The following LMTK3 variants were observed in gnomAD, a reference collection of about 807,000 sequenced individuals.
The protein encoded by LMTK3 is lemur tail kinase 3.
In LMTK3, 27 loss-of-function variants were observed where a neutral mutation model predicts 116.7. The ratio of observed to expected loss-of-function variants is 0.23; its 90% CI spans 0.17 to 0.32. LMTK3 has a LOEUF of 0.32. Ranked by LOEUF, LMTK3 falls within the 10% of genes least tolerant of loss-of-function variation. The probability of loss-of-function intolerance (pLI) is 1.00; values close to 1 mark genes in which losing one functional copy is unlikely to be tolerated. For missense variants in LMTK3, 1,764 were observed against 2,068.5 expected (o/e 0.85, Z 2.86); for synonymous variants, 965 against 971.0 (o/e 0.99, Z 0.11).
intron 11 of LMTK3, among the ~76,000 whole-genome samples, chr19:48,495,023 T>TG (rs1972301816): frequency 6.6e-6 from 1 of 151,926 alleles, no homozygotes; most frequent in African/African-American, 2.4e-5. Flanking sequence ...TTGTTTTTTT[T>TG]TTTGAAATGA....
intron 5 of LMTK3, 139 bp from the exon 6 acceptor site, chr19:48,503,135 G>A: frequency 1.1e-5 from 7 of 655,340 alleles, no homozygotes; most frequent in South Asian, 1.8e-5. Flanking sequence ...ACGGAGTCTC[G>A]CTCTGTCGCC....
chr19:48,490,904 C>T (rs1788159258), intron 14 of LMTK3, among the ~76,000 whole-genome samples: 1 of 152,162 alleles, frequency 6.6e-6, no homozygotes, highest in Non-Finnish European at 1.5e-5. Flanking sequence ...GACGGCCGGC[C>T]TGCCTGCCTA....
Position 48,510,189 on chromosome 19 carries a change from G to A in LMTK3, c.211-16C>T. 5 of 1,606,228 alleles carry A rather than the reference G, an allele frequency of 3.1e-6. No homozygotes were observed. The highest frequency in any genetic ancestry group is 4.3e-6 in the Non-Finnish European group (5 of 1,173,696). On this transcript the variant is annotated splice_polypyrimidine_tract_variant and intron_variant, in intron 2 of 14. Transcript: ENST00000600059. ...TCTCAAATTCCTGGGGCCAGGAGAGGAGAAGAGGGGTGGGAGAACGCAGGG... is the reference window on the plus strand; with the variant it reads ...TCTCAAATTCCTGGGGCCAGGAGAGAAGAAGAGGGGTGGGAGAACGCAGGG...
rs1972295967 is a variant in LMTK3 at position 48,494,727 on chromosome 19, TGGCAGG to T, written c.3677-624_3677-619del. On this transcript the variant is annotated intron_variant, in intron 11 of 14. Transcript: ENST00000600059. This position sits in a 1 kb window ranked among gnomAD's most constrained non-coding sequence, Gnocchi z 4.0. ...AAGTGAACTGCCCTTTCTGAGCTGA[TGGCAGG>T]GGCAAGAGGAGGGTGGAGGTGGGGC... Among the ~76,000 whole-genome samples the T allele has an allele frequency of 6.6e-6, 1 of 152,180 alleles. No homozygotes were observed. Among genetic ancestry groups the T allele is most frequent in the African/African-American group, 2.4e-5 (1 of 41,452 alleles).
chr19:48,486,216 C>T (rs1450596346), intron 14 of LMTK3, among the ~76,000 whole-genome samples: 5 of 150,414 alleles, frequency 3.3e-5, no homozygotes, highest in East Asian at 3.9e-4. Context: ...CCCGCCACTA[C>T]GCCCGGCTAA....
At chr19:48,505,536 G>A (rs1190016157) in intron 5 of LMTK3, among the ~76,000 whole-genome samples, 2 of 152,084 alleles carry the variant, frequency 1.3e-5, no homozygotes, top group African/African-American at 4.8e-5. Context: ...ACCAGCTGGA[G>A]CAGCATAGTG....
At chr19:48,512,155 C>T (rs1006119874), upstream of LMTK3, among the ~76,000 whole-genome samples, 1 of 152,102 alleles carries the variant, frequency 6.6e-6, no homozygotes, top group African/African-American at 2.4e-5. Flanking sequence ...ATGTCAGGCA[C>T]GCGCAGCCCA....
chr19:48,490,394 T>C (rs1024334986), intron 14 of LMTK3, among the ~76,000 whole-genome samples: 1 of 151,900 alleles, frequency 6.6e-6, no homozygotes, highest in Non-Finnish European at 1.5e-5. Context: ...GGCGTGGTGG[T>C]GCACTCCTGT....
intron 14 of LMTK3, among the ~76,000 whole-genome samples, chr19:48,490,386 C>T (rs748273473): frequency 1.4e-4 from 22 of 152,026 alleles, no homozygotes; most frequent in Non-Finnish European, 2.6e-4. Context: ...AGTAGCTGGG[C>T]GTGGTGGTGC....
rs757177302 is a variant in LMTK3, at chr19:48,498,492, C to T, written c.2577G>A (p.Thr859=). 1.5e-5 allele frequency: 24 copies of T among 1,596,934 alleles called. No individual in the cohort carries two copies. In the African/African-American group the frequency reaches 2.7e-4, roughly 18 times the overall value. ...CCCGCAGGGACATCAGCAGCTGTTC[C>T]GTGCTCACTTGAACCACGAAGGTCG... The part of the protein sequence containing the change: ...EKPTFVVQVS[T]EQLLMSLRED... Residue 859 remains threonine (T), a synonymous_variant, in exon 11 of 15, where the codon ACG becomes ACA. Transcript: ENST00000600059.
Position 48,503,008 on chromosome 19 carries a change from G to C in LMTK3, c.558-12C>G. The stretch of plus-strand genomic sequence containing the variant: ...GGTGCTGCAGGCTCCTGTGGAGTGA[G>C]GAGGTGGCTGAGTTGGGAAGGCAGC... On this transcript the variant is annotated splice_polypyrimidine_tract_variant and intron_variant, in intron 5 of 14. Coordinates refer to ENST00000600059, the MANE Select transcript of LMTK3 (RefSeq NM_001388485.1). The C allele has an allele frequency of 6.3e-7, 1 of 1,592,980 alleles. No individual in the cohort carries two copies.
chr19:48,510,473 C>T lies in LMTK3; in HGVS notation c.196G>A (p.Asp66Asn). 6.3e-7 allele frequency: 1 copy of T among 1,596,250 alleles called. No homozygotes were observed. The highest frequency in any genetic ancestry group is 8.5e-7 in the Non-Finnish European group (1 of 1,171,548). ...ATGCACCTCACCTTGAAGCCGACAT[C>T]GCCCCGTTTGCAGCACAGACAGGTG... ...LLTCLCCKRG[D>N]VGFKEFENPE... The change falls in exon 2 of 15, where the codon GAT becomes AAT. Residue 66 changes from aspartate to asparagine, a missense_variant. This residue lies in a region of LMTK3 where 271 missense variants were observed against 478.2 expected (regional missense o/e 0.57). Transcript: ENST00000600059.
chr19:48,510,035 G>C lies in LMTK3; in HGVS notation c.349C>G (p.Pro117Ala). ...EVSLPMPAPQ[P>A]SHSDMTTPLG... ...CGTGGGGCAGTACCTGAGTGTGAAG[G>C]CTGCGGGGCAGGCATTGGCAGGGAG... is the stretch of plus-strand genomic sequence containing the variant. The change falls in exon 3 of 15, where the codon CCT becomes GCT. Residue 117 changes from proline (P) to alanine (A), a missense_variant. Coordinates refer to ENST00000600059, the MANE Select transcript of LMTK3 (RefSeq NM_001388485.1). The C allele has an allele frequency of 1.2e-6, 2 of 1,613,952 alleles. No homozygotes were observed. The highest frequency in any genetic ancestry group is 1.7e-6 in the Non-Finnish European group (2 of 1,179,882).
chr19:48,487,066 AT>A (rs1185386773), intron 14 of LMTK3, among the ~76,000 whole-genome samples: 4 of 125,032 alleles, frequency 3.2e-5, no homozygotes, highest in Non-Finnish European at 6.5e-5. Context: ...ACAGAGTCTT[AT>A]TCTGTCGCCC....
chr19:48,505,733 T>G (rs1457152872), intron 5 of LMTK3, among the ~76,000 whole-genome samples: 1 of 149,832 alleles, frequency 6.7e-6, no homozygotes, highest in Non-Finnish European at 1.5e-5. Flanking sequence ...TGGTGGCACA[T>G]GCCTGTAATC....
Position 48,511,615 on chromosome 19 carries a change from T to TGGGGTGGTGGGGGGGGGGGGGGGG in LMTK3, c.-40_-39insCCCCCCCCCCCCCCCCACCACCCC. ...GCAGGGAGGTGGAGGTGGTGGCGGC[T>TGGGGTGGTGGGGGGGGGGGGGGGG]GGGGAGGAGGGGGGGGCGGGCCCTC... On this transcript the variant is annotated 5_prime_UTR_variant, in exon 1 of 15. Coordinates refer to ENST00000600059, the MANE Select transcript of LMTK3 (RefSeq NM_001388485.1). 9.5e-6 allele frequency: 1 copy of TGGGGTGGTGGGGGGGGGGGGGGGG among 105,646 alleles called. No individual in the cohort carries two copies. The highest frequency in any genetic ancestry group is 1.7e-5 in the Non-Finnish European group (1 of 58,340). 6.5% of individuals were successfully genotyped at this position (105,646 alleles called of 1,614,324 possible).
At position 48,498,653 on chromosome 19, in the gene LMTK3, C is replaced by T; in HGVS notation, c.2416G>A (p.Ala806Thr). ...TCGGCCGCCCCCCCACCTGGGAAGG[C>T]TCCCTCTGGGGAAAAAGGGGTCTCG... ...ETETPFSPEG[A>T]FPGGGAAEEE... Residue 806 changes from alanine (A) to threonine (T), a missense_variant, in exon 11 of 15, where the codon GCC (alanine) becomes ACC (threonine). Physicochemically the swap from Ala to Thr is moderately conservative, Grantham distance 58. Around this residue, in one of 7 missense-constraint regions of LMTK3, gnomAD observed 1,028 missense variants for 1,050.6 expected, o/e 0.98. Transcript: ENST00000600059. 1 of 1,542,220 alleles carries T rather than the reference C, an allele frequency of 6.5e-7. No individual in the cohort carries two copies. Among genetic ancestry groups the T allele is most frequent in the South Asian group, 1.2e-5 (1 of 83,940 alleles).
At position 48,499,308 on chromosome 19, in the gene LMTK3, G is replaced by T. The variant is rs1408127136; in HGVS notation, c.1761C>A (p.Pro587=). 7.3e-5 allele frequency: 104 copies of T among 1,418,600 alleles called. No individual in the cohort carries two copies. The highest frequency in any genetic ancestry group is 9.2e-5 in the Non-Finnish European group (100 of 1,085,032). The allele number at this position is 1,418,600 out of a possible 1,614,324, so 87.9% of individuals were successfully genotyped here. A position where few individuals can be genotyped will look rare whatever the true frequency, so the allele number is the denominator to read the frequency against. ...PQLVSETWAS[P]LFPAPRPFPA... is the part of the protein sequence containing the mutation. ...GGAAGGGCCGGGGCGCAGGGAAGAG[G>T]GGGGAGGCCCAGGTCTCGGACACCA... is the stretch of plus-strand genomic sequence containing the variant. Residue 587 remains proline, a synonymous_variant, in exon 11 of 15, where the codon CCC becomes CCA. Coordinates refer to ENST00000600059, the MANE Select transcript of LMTK3 (RefSeq NM_001388485.1).
intron 12 of LMTK3, among the ~76,000 whole-genome samples, chr19:48,493,464 T>G (rs562074851): frequency 2.1e-5 from 2 of 93,120 alleles, no homozygotes; most frequent in Admixed American, 2.5e-4. Context: ...AGGCCCCGCA[T>G]CACTCCAGCT....
Sources: gnomAD v4.1 joint callset for allele counts (sites outside exome capture counted in the v4.1 genomes callset) on GRCh38, gnomAD v4.1.1 for gene constraint, gnomAD v4.1.1 regional missense constraint, Gnocchi (gnomAD v3.1) non-coding constraint, MANE v1.5 for transcripts, NCBI Gene and HGNC (gene_info 2026-07-23, HGNC 2026-07-21) for gene names.